The following FBXO4 variants were observed in gnomAD, a reference collection of about 807,000 sequenced individuals.
FBXO4 encodes F-box protein 4, also known as F-box only protein 4.
In FBXO4, 36 loss-of-function variants were observed where a neutral mutation model predicts 43.7. The ratio of observed to expected loss-of-function variants is 0.82; its 90% CI spans 0.63 to 1.09. The LOEUF (loss-of-function observed/expected upper bound fraction) is 1.09, where lower values mean the gene tolerates loss of function less well. Ranked by LOEUF, FBXO4 falls within the 50% of genes least tolerant of loss-of-function variation. The pLI, the probability that FBXO4 is intolerant of heterozygous loss-of-function variation, is 0.00. For synonymous variants in FBXO4, 180 were observed against 165.6 expected (o/e 1.09, Z -0.67); for missense variants, 435 against 474.1 (o/e 0.92, Z 0.77).
chr5:41,960,308 T>G, the FBXO4 span, among the ~76,000 whole-genome samples: 3 of 152,104 alleles, frequency 2.0e-5, no homozygotes, highest in South Asian at 6.2e-4. Flanking sequence ...CAGAAATAAT[T>G]TAACTTTTTT....
chr5:41,941,994 G>A (rs182069614), downstream of FBXO4, among the ~76,000 whole-genome samples: 24 of 151,892 alleles, frequency 1.6e-4, no homozygotes, highest in African/African-American at 3.9e-4. Flanking sequence ...GCTTATACTC[G>A]GCAGAAGAAA....
chr5:42,012,394 G>C, the FBXO4 span, among the ~76,000 whole-genome samples: 2 of 152,112 alleles, frequency 1.3e-5, no homozygotes, highest in South Asian at 2.1e-4. Context: ...GTAACATTGG[G>C]TGATTGGGTG....
chr5:41,954,517 A>G, the FBXO4 span, among the ~76,000 whole-genome samples: 10 of 152,300 alleles, frequency 6.6e-5, no homozygotes, highest in Non-Finnish European at 1.5e-4. Flanking sequence ...GAATCATATA[A>G]TCATAATGCA....
intron 6 of FBXO4, 74 bp from the exon 7 acceptor site, chr5:41,941,118 A>G (rs1158392224): frequency 8.8e-6 from 10 of 1,133,122 alleles, no homozygotes; most frequent in Non-Finnish European, 1.0e-5. Flanking sequence ...TAGTGTCTAG[A>G]AAAATGTCCC....
the FBXO4 span, among the ~76,000 whole-genome samples, chr5:42,029,265 C>T: frequency 2.6e-5 from 4 of 151,280 alleles, no homozygotes; most frequent in Admixed American, 2.6e-4. Flanking sequence ...TACGTCATGC[C>T]ACTCTCTCCT....
chr5:41,992,691 A>G, the FBXO4 span, among the ~76,000 whole-genome samples: 1 of 152,242 alleles, frequency 6.6e-6, no homozygotes, highest in African/African-American at 2.4e-5. Flanking sequence ...TTAGATTTGA[A>G]TTGTTATGTA....
intron 5 of FBXO4, 175 bp downstream of exon 5, chr5:41,934,483 C>T (rs1438333686): frequency 2.1e-6 from 3 of 1,428,018 alleles, no homozygotes; most frequent in African/African-American, 1.4e-5. Context: ...ATTAGGATCA[C>T]CTGGGAAGCT....
chr5:42,035,503 C>T, the FBXO4 span, among the ~76,000 whole-genome samples: 2 of 152,080 alleles, frequency 1.3e-5, no homozygotes, highest in Non-Finnish European at 2.9e-5. Flanking sequence ...GTTGCAGGTA[C>T]AAGCTTTCTA....
chr5:41,953,113 A>T, the FBXO4 span, among the ~76,000 whole-genome samples: 1 of 151,928 alleles, frequency 6.6e-6, no homozygotes, highest in Non-Finnish European at 1.5e-5. Flanking sequence ...GTCATTTAGC[A>T]TTAGGTATAT....
At chr5:41,945,424 C>A (rs1054776718), downstream of FBXO4, among the ~76,000 whole-genome samples, 2 of 151,854 alleles carry the variant, frequency 1.3e-5, no homozygotes, top group African/African-American at 2.4e-5. Context: ...GTAGGGAGAC[C>A]CCCTGAAACT....
At chr5:41,984,745 G>T in the FBXO4 span, among the ~76,000 whole-genome samples, 1 of 152,150 alleles carries the variant, frequency 6.6e-6, no homozygotes, top group South Asian at 2.1e-4. Flanking sequence ...TCCTGACCTC[G>T]AGTGATTCGC....
the FBXO4 span, among the ~76,000 whole-genome samples, chr5:41,999,486 TATATATA>T: frequency 3.0e-5 from 3 of 100,006 alleles, no homozygotes; most frequent in African/African-American, 1.5e-4. Context: ...TACACATATA[TATATATA>T]CATATATATA....
At chr5:42,037,284 G>T in the FBXO4 span, among the ~76,000 whole-genome samples, 5,288 of 152,060 alleles carry the variant, frequency 0.035, 319 homozygotes, top group African/African-American at 0.12. Context: ...GAGAGGCAAG[G>T]TTATGAGCAG....
chr5:41,999,523 AC>A, the FBXO4 span, among the ~76,000 whole-genome samples: 1 of 109,324 alleles, frequency 9.1e-6, no homozygotes. Context: ...ATATATATAT[AC>A]ATATATATAT....
the FBXO4 span, among the ~76,000 whole-genome samples, chr5:41,954,084 GA>G: frequency 6.6e-6 from 1 of 152,076 alleles, no homozygotes; most frequent in African/African-American, 2.4e-5. Context: ...ATAAAGCATA[GA>G]ATTTCAGAGT....
the FBXO4 span, among the ~76,000 whole-genome samples, chr5:41,982,004 G>GT: frequency 2.0e-5 from 3 of 151,512 alleles, no homozygotes; most frequent in Middle Eastern, 3.4e-3. Context: ...GCGGTGTTTG[G>GT]TTTTTTGTCC....
chr5:41,956,478 T>C, the FBXO4 span, among the ~76,000 whole-genome samples: 1 of 152,204 alleles, frequency 6.6e-6, no homozygotes, highest in African/African-American at 2.4e-5. Context: ...TTTCTTATAA[T>C]GCAGGTCTGC....
chr5:42,015,667 C>G, the FBXO4 span, among the ~76,000 whole-genome samples: 2 of 151,650 alleles, frequency 1.3e-5, no homozygotes, highest in East Asian at 3.9e-4. Context: ...TCTTTCTGCT[C>G]TGGTGGGGGA....
the FBXO4 span, among the ~76,000 whole-genome samples, chr5:42,009,367 GTGTGTGTA>G: frequency 8.7e-6 from 1 of 114,938 alleles, no homozygotes; most frequent in African/African-American, 3.2e-5. Context: ...GAATTGGAGT[GTGTGTGTA>G]TGTGTGTGTG....
Sources: gnomAD v4.1 joint callset for allele counts (sites outside exome capture counted in the v4.1 genomes callset) on GRCh38, gnomAD v4.1.1 for gene constraint, MANE v1.5 for transcripts, NCBI Gene and HGNC (gene_info 2026-07-23, HGNC 2026-07-21) for gene names.